The following GLB1L3 variants were observed in gnomAD, a reference collection of about 807,000 sequenced individuals.
GLB1L3 encodes beta-galactosidase-1-like protein 3.
In GLB1L3, 89 loss-of-function variants were observed where a neutral mutation model predicts 89.5. The ratio of observed to expected loss-of-function variants is 0.99; its 90% CI spans 0.84 to 1.19. The LOEUF (loss-of-function observed/expected upper bound fraction) is 1.19. GLB1L3 is among the 50% of genes most tolerant of loss of function. The pLI is 0.00. For synonymous variants in GLB1L3, 314 were observed against 312.3 expected (o/e 1.01, Z -0.06); for missense variants, 812 against 813.3 (o/e 1.00, Z 0.02).
intron 9 of GLB1L3, among the ~76,000 whole-genome samples, chr11:134,296,629 G>C: frequency 6.9e-6 from 1 of 144,872 alleles, no homozygotes; most frequent in East Asian, 2.0e-4. Context: ...ACTCATAGGT[G>C]GGAACTGAAC....
intron 5 of GLB1L3, among the ~76,000 whole-genome samples, chr11:134,282,740 G>A (rs1412823632): frequency 3.9e-5 from 6 of 152,198 alleles, no homozygotes; most frequent in Non-Finnish European, 8.8e-5. Context: ...CCCTGTGGTG[G>A]GCAGGGCTTC....
intron 9 of GLB1L3, among the ~76,000 whole-genome samples, chr11:134,301,064 C>CA (rs1408553906): frequency 6.6e-6 from 1 of 152,228 alleles, no homozygotes; most frequent in African/African-American, 2.4e-5. Flanking sequence ...TTCAGACTCT[C>CA]ACGCTGGCCC....
At chr11:134,316,315 A>G (rs775842502) in intron 18 of GLB1L3, among the ~76,000 whole-genome samples, 2 of 152,060 alleles carry the variant, frequency 1.3e-5, no homozygotes, top group African/African-American at 4.8e-5. Flanking sequence ...ATTATAAGCC[A>G]TATTTCATAT....
At chr11:134,281,718 G>A (rs548407242) in intron 4 of GLB1L3, among the ~76,000 whole-genome samples, 11 of 97,380 alleles carry the variant, frequency 1.1e-4, no homozygotes, top group Non-Finnish European at 1.4e-4. Flanking sequence ...CATGGGGTCT[G>A]GCGCCTGGGC....
At chr11:134,321,989 T>G (rs1329265531), downstream of GLB1L3, among the ~76,000 whole-genome samples, 3 of 152,134 alleles carry the variant, frequency 2.0e-5, no homozygotes, top group Non-Finnish European at 4.4e-5. Context: ...GCAACCATAG[T>G]AAATTTTATA....
rs1204120975 is a variant in GLB1L3 at position 134,276,483 on chromosome 11, C to T, written c.-258C>T. 3 of 367,038 alleles carry T rather than the reference C, an allele frequency of 8.2e-6. No homozygotes were observed. The highest frequency in any genetic ancestry group is 2.1e-5 in the African/African-American group (1 of 47,346). 22.7% of individuals were successfully genotyped at this position (367,038 alleles called of 1,614,324 possible). A position where few individuals can be genotyped will look rare whatever the true frequency, so the allele number is the denominator to read the frequency against. Reference sequence around the variant, plus strand: ...CTCCGAGGGCAGAGAGGCGTCCGCGCCCGGACGCACTGCGGGAACACCTGG... The same window carrying T: ...CTCCGAGGGCAGAGAGGCGTCCGCGTCCGGACGCACTGCGGGAACACCTGG... On this transcript the variant is annotated 5_prime_UTR_variant, in exon 1 of 20. Coordinates refer to ENST00000431683, the MANE Select transcript of GLB1L3 (RefSeq NM_001080407.3).
chr11:134,295,542 G>T (rs549556444), intron 9 of GLB1L3, among the ~76,000 whole-genome samples: 8 of 151,988 alleles, frequency 5.3e-5, no homozygotes, highest in African/African-American at 1.4e-4. Context: ...AATTTTTTTT[G>T]ATCTTTGCAG....
At position 134,277,782 on chromosome 11, in the gene GLB1L3, C is replaced by T; in HGVS notation, c.232C>T (p.Pro78Ser). The change falls in exon 3 of 20, where the codon CCC becomes TCC. Residue 78 changes from proline to serine, a missense_variant. Physicochemically the swap from Pro to Ser is moderately conservative, Grantham distance 74. This residue lies in a region of GLB1L3 where 191 missense variants were observed against 191.4 expected (regional missense o/e 1.00). Coordinates refer to ENST00000431683, the MANE Select transcript of GLB1L3 (RefSeq NM_001080407.3). ...LGTESTGRGK[P>S]HFTLEGHKFL... ...AACTGAAAGCACAGGTCGGGGTAAG[C>T]CCCACTTCACACTGGAGGGCCACAA... 1 of 1,614,034 alleles carries T rather than the reference C, an allele frequency of 6.2e-7. No individual in the cohort carries two copies. Among genetic ancestry groups the T allele is most frequent in the African/African-American group, 1.3e-5 (1 of 75,018 alleles).
chr11:134,322,883 A>C (rs1002694371), downstream of GLB1L3, among the ~76,000 whole-genome samples: 3 of 152,196 alleles, frequency 2.0e-5, no homozygotes, highest in Admixed American at 1.3e-4. Flanking sequence ...ATATTCATGC[A>C]TAAGTTTTTG....
chr11:134,276,411 A>C lies in GLB1L3; in HGVS notation c.-330A>C. ...TGCCAGCCGGCTGTCGACCCAGGTT[A>C]GGAAGCCCGAGGTCGGGGCGTTACC... is the stretch of plus-strand genomic sequence containing the variant. On this transcript the variant is annotated 5_prime_UTR_variant, in exon 1 of 20. Transcript: ENST00000431683. 3.7e-6 allele frequency: 1 copy of C among 273,284 alleles called. No individual in the cohort carries two copies. The highest frequency in any genetic ancestry group is 6.8e-6 in the Non-Finnish European group (1 of 146,594). 16.9% of individuals were successfully genotyped at this position (273,284 alleles called of 1,614,324 possible).
intron 6 of GLB1L3, 130 bp from the exon 7 acceptor site, chr11:134,288,668 G>C (rs891626762): frequency 1.6e-6 from 1 of 615,026 alleles, no homozygotes; most frequent in Non-Finnish European, 2.8e-6. Context: ...GGAGCAGAGC[G>C]TGCAGACCAC....
chr11:134,278,550 C>T (rs534303979), intron 3 of GLB1L3, among the ~76,000 whole-genome samples: 3 of 152,230 alleles, frequency 2.0e-5, no homozygotes, highest in Admixed American at 1.3e-4. Flanking sequence ...GGGAACACCA[C>T]GGTCGTCCTC....
chr11:134,321,864 C>T (rs994372252), downstream of GLB1L3, among the ~76,000 whole-genome samples: 1 of 151,688 alleles, frequency 6.6e-6, no homozygotes, highest in Non-Finnish European at 1.5e-5. Context: ...CACATGTATA[C>T]ATATGTAACA....
intron 6 of GLB1L3, among the ~76,000 whole-genome samples, chr11:134,285,808 G>C (rs1354855973): frequency 6.6e-6 from 1 of 151,948 alleles, no homozygotes; most frequent in Middle Eastern, 3.2e-3. Flanking sequence ...TTTTTAGGTA[G>C]TAGTAGGCTG....
At chr11:134,292,267 A>G in intron 8 of GLB1L3, 54 bp downstream of exon 8, 1 of 1,362,160 alleles carries the variant, frequency 7.3e-7, no homozygotes. Flanking sequence ...CAGCCCGTGT[A>G]AATCTTGAAC....
intron 9 of GLB1L3, among the ~76,000 whole-genome samples, chr11:134,297,902 T>C (rs1343734657): frequency 2.2e-5 from 3 of 137,148 alleles, no homozygotes; most frequent in Non-Finnish European, 4.8e-5. Context: ...GAAAAAAATA[T>C]ATATATATAA....
chr11:134,312,939 C>A, intron 15 of GLB1L3, 52 bp downstream of exon 15: 1 of 1,231,362 alleles, frequency 8.1e-7, no homozygotes, highest in Non-Finnish European at 1.2e-6. Flanking sequence ...CAAATGCAGA[C>A]GGAGCCTGGT....
In GLB1L3 at chr11:134,314,395, C is replaced by A; in HGVS notation, c.1733C>A (p.Thr578Asn). The A allele has an allele frequency of 6.4e-7, 1 of 1,551,694 alleles. No homozygotes were observed. Among genetic ancestry groups the A allele is most frequent in the South Asian group, 1.2e-5 (1 of 84,046 alleles). Residue 578 changes from threonine (T) to asparagine (N), a missense_variant, in exon 18 of 20, where the codon ACC becomes AAC. Transcript: ENST00000431683. The stretch of plus-strand genomic sequence containing the variant: ...CAGGGCCCGGCCTTCTACTGTGGGA[C>A]CTTGAAGGCTGGCCCTTCTCCCAAG... ...SHQGPAFYCGTLKAGPSPKDT... is the reference protein window; with the variant it reads ...SHQGPAFYCGNLKAGPSPKDT...
intron 7 of GLB1L3, among the ~76,000 whole-genome samples, chr11:134,289,712 T>C (rs1163126291): frequency 6.6e-6 from 1 of 152,206 alleles, no homozygotes; most frequent in Non-Finnish European, 1.5e-5. Flanking sequence ...CTTTCTGGCC[T>C]GTAAGATAAA....
Sources: allele counts gnomAD v4.1 joint callset (sites outside exome capture counted in the v4.1 genomes callset), GRCh38; gene constraint gnomAD v4.1.1; regional missense constraint gnomAD v4.1.1; transcripts MANE v1.5; gene names NCBI Gene and HGNC (gene_info 2026-07-23, HGNC 2026-07-21).